NINL: variants seen among roughly 807,000 people sequenced by gnomAD.
NINL encodes the protein ninein like, also known as ninein-like protein.
NINL carries 153 observed loss-of-function variants against 160.3 expected under a neutral mutation model. The ratio of observed to expected loss-of-function variants is 0.95; its 90% CI spans 0.84 to 1.09. The LOEUF is 1.09. NINL is among the 50% of genes least tolerant of loss of function. The pLI is 0.00. For missense variants in NINL, 1,829 were observed against 1,764.0 expected (o/e 1.04, Z -0.66); for synonymous variants, 800 against 734.8 (o/e 1.09, Z -1.43).
rs1478712605 is a variant in NINL at position 25,476,518 on chromosome 20, G to C, written c.2773C>G (p.Pro925Ala). 2.5e-6 allele frequency: 4 copies of C among 1,601,710 alleles called. No individual in the cohort carries two copies. Among genetic ancestry groups the C allele is most frequent in the Non-Finnish European group, 2.5e-6 (3 of 1,179,842 alleles). Residue 925 changes from proline to alanine, a missense_variant, in exon 17 of 24, where the codon CCT becomes GCT. Pro to Ala is a conservative substitution (Grantham distance 27, BLOSUM62 -1). Transcript: ENST00000278886. ...DGDIVPKEPE[P>A]FGASAAGLEQ... ...AGCCCCGCTGCGCTCGCGCCGAAAG[G>C]CTCTGGCTCCTTTGGGACAATATCC...
intron 11 of NINL, among the ~76,000 whole-genome samples, chr20:25,490,317 T>C (rs996459773): frequency 1.3e-5 from 2 of 151,976 alleles, no homozygotes; most frequent in African/African-American, 2.4e-5. Context: ...TCCCAGCACT[T>C]TGGGAGGCCG....
In NINL at chr20:25,462,548, G is replaced by A. The variant is rs992652179; in HGVS notation, c.3424-7C>T. The A allele has an allele frequency of 3.0e-5, 48 of 1,594,462 alleles. No homozygotes were observed. The highest frequency in any genetic ancestry group is 4.1e-5 in the Non-Finnish European group (48 of 1,173,506). On this transcript the variant is annotated splice_polypyrimidine_tract_variant and splice_region_variant and intron_variant, in intron 19 of 23. Transcript: ENST00000278886. ...GATCCTTGTAGTTCTGATTCTGGGGGAAAAAGTTTTTAAATACATAAGAAA... is the reference window on the plus strand; with the variant it reads ...GATCCTTGTAGTTCTGATTCTGGGGAAAAAAGTTTTTAAATACATAAGAAA...
chr20:25,572,724 T>C (rs1333630649), intron 1 of NINL, among the ~76,000 whole-genome samples: 1 of 152,176 alleles, frequency 6.6e-6, no homozygotes, highest in African/African-American at 2.4e-5. Context: ...AGTTTTTCCA[T>C]GAAATAAGTA....
At chr20:25,585,031 C>G (rs1293560990) in intron 1 of NINL, among the ~76,000 whole-genome samples, 2 of 150,988 alleles carry the variant, frequency 1.3e-5, no homozygotes, top group Non-Finnish European at 3.0e-5. Context: ...CTCGACCAGA[C>G]GCCGGCGGCG....
rs550950368 is a variant in NINL, at chr20:25,461,855, G to A, written c.3583-220C>T. Among the ~76,000 whole-genome samples, 16 of 152,310 alleles carry A rather than the reference G, an allele frequency of 1.1e-4. No homozygotes were observed. The South Asian group carries it at 3.3e-3, about 32-fold the overall frequency. ...GGTGAGACAGTGTCAGGTGCGCCAC[G>A]CACTGCAGGAAGTGCCTTCTCCTCA... On this transcript the variant is annotated intron_variant, in intron 20 of 23. Transcript: ENST00000278886.
At chr20:25,495,460 T>C (rs2146731281) in intron 10 of NINL, among the ~76,000 whole-genome samples, 1 of 152,226 alleles carries the variant, frequency 6.6e-6, no homozygotes, top group African/African-American at 2.4e-5. Context: ...GTCTGTGTTG[T>C]GCAATGCAGA....
intron 9 of NINL, among the ~76,000 whole-genome samples, chr20:25,497,184 T>C (rs906628219): frequency 6.6e-6 from 1 of 152,194 alleles, no homozygotes; most frequent in Admixed American, 6.5e-5. Context: ...GTAACGGGCA[T>C]GTGGCGGGGA....
intron 13 of NINL, among the ~76,000 whole-genome samples, chr20:25,485,301 C>G (rs1463774301): frequency 6.6e-6 from 1 of 152,164 alleles, no homozygotes; most frequent in African/African-American, 2.4e-5. Context: ...GAAATAAAAG[C>G]CCTCGCTTGT....
intron 1 of NINL, among the ~76,000 whole-genome samples, chr20:25,528,947 G>A (rs911118064): frequency 2.0e-5 from 3 of 152,172 alleles, no homozygotes; most frequent in African/African-American, 7.2e-5. Context: ...TATAGATGTC[G>A]CTTTAATGTG....
At chr20:25,544,419 G>C (rs1303259137) in intron 1 of NINL, among the ~76,000 whole-genome samples, 1 of 152,144 alleles carries the variant, frequency 6.6e-6, no homozygotes, top group African/African-American at 2.4e-5. Context: ...TACTTTCAAG[G>C]AATGAGCAGG....
intron 1 of NINL, among the ~76,000 whole-genome samples, chr20:25,543,083 T>C (rs771910456): frequency 2.0e-5 from 3 of 151,052 alleles, no homozygotes; most frequent in Admixed American, 2.0e-4. Flanking sequence ...ATATGGCTTA[T>C]GGTTTATTAA....
At chr20:25,574,550 C>A (rs1235812665) in intron 1 of NINL, among the ~76,000 whole-genome samples, 1 of 152,160 alleles carries the variant, frequency 6.6e-6, no homozygotes, top group African/African-American at 2.4e-5. Context: ...CCACCTCCTC[C>A]TCATGCATGC....
chr20:25,489,801 G>T, intron 12 of NINL, 74 bp downstream of exon 12: 1 of 1,251,948 alleles, frequency 8.0e-7, no homozygotes, highest in Non-Finnish European at 1.2e-6. Flanking sequence ...ATCTCTCCCT[G>T]GCCACCCCCG....
chr20:25,568,845 G>A (rs1289603038), intron 1 of NINL, among the ~76,000 whole-genome samples: 4 of 152,024 alleles, frequency 2.6e-5, no homozygotes, highest in African/African-American at 9.7e-5. Context: ...CCAGTGCTTT[G>A]GGAGGCTGAG....
rs531138714 is a variant in NINL, at chr20:25,532,140, G to A, written c.-11-5542C>T. Reference sequence around the variant, plus strand: ...AAAAGGAAAGACCCTGCCATGGCTGGGACTGCAGGGGCAGCAAGGCTGGAG... The same window carrying A: ...AAAAGGAAAGACCCTGCCATGGCTGAGACTGCAGGGGCAGCAAGGCTGGAG... On this transcript the variant is annotated intron_variant, in intron 1 of 23. Transcript: ENST00000278886. 1.1e-3 allele frequency among the ~76,000 whole-genome samples: 175 copies of A among 152,204 alleles called. 1 individual carries two copies. The highest frequency in any genetic ancestry group is 2.5e-3 in the Admixed American group (38 of 15,286).
At chr20:25,472,328 T>C (rs1340324205) in intron 17 of NINL, among the ~76,000 whole-genome samples, 4 of 28,802 alleles carry the variant, frequency 1.4e-4, no homozygotes, top group Non-Finnish European at 2.6e-4. Flanking sequence ...GGAGAGGATA[T>C]ATATATATAT....
chr20:25,553,786 T>C (rs1446634667), intron 1 of NINL, among the ~76,000 whole-genome samples: 1 of 152,206 alleles, frequency 6.6e-6, no homozygotes, highest in Non-Finnish European at 1.5e-5. Flanking sequence ...TCTGAAACAG[T>C]GGCCCATGGA....
intron 13 of NINL, among the ~76,000 whole-genome samples, chr20:25,486,551 C>T (rs780752044): frequency 1.3e-5 from 2 of 152,164 alleles, no homozygotes; most frequent in African/African-American, 2.4e-5. Context: ...GGACCCCATC[C>T]GCATGGCAGG....
chr20:25,513,099 A>T, intron 3 of NINL, 93 bp from the exon 4 acceptor site: 1 of 1,282,530 alleles, frequency 7.8e-7, no homozygotes, highest in Non-Finnish European at 1.1e-6. Context: ...GTGCACACTC[A>T]GCACCGAGTG....
Sources: gnomAD v4.1 joint callset for allele counts (sites outside exome capture counted in the v4.1 genomes callset) on GRCh38, gnomAD v4.1.1 for gene constraint, MANE v1.5 for transcripts, NCBI Gene and HGNC (gene_info 2026-07-23, HGNC 2026-07-21) for gene names.